Variants in GATAD2A observed in about 807,000 individuals in gnomAD.
GATAD2A encodes the protein GATA zinc finger domain containing 2A, also known as transcriptional repressor p66-alpha.
GATAD2A carries 12 observed loss-of-function variants against 68.5 expected under a neutral mutation model. The observed-to-expected ratio is 0.18, with a 90% confidence interval of 0.11 to 0.28. The LOEUF (loss-of-function observed/expected upper bound fraction) is 0.28. Ranked by LOEUF, GATAD2A falls within the 10% of genes least tolerant of loss-of-function variation. The pLI, the probability that GATAD2A is intolerant of heterozygous loss-of-function variation, is 1.00. For missense variants in GATAD2A, 755 were observed against 868.5 expected (o/e 0.87, Z 1.64); for synonymous variants, 410 against 375.3 (o/e 1.09, Z -1.07).
intron 1 of GATAD2A, among the ~76,000 whole-genome samples, chr19:19,421,553 G>A (rs920972242): frequency 1.3e-5 from 2 of 152,132 alleles, no homozygotes; most frequent in African/African-American, 4.8e-5. Context: ...AAGGACCAAC[G>A]GCTTAGAATT....
At chr19:19,420,400 C>T (rs1467831828) in intron 1 of GATAD2A, among the ~76,000 whole-genome samples, 7 of 144,444 alleles carry the variant, frequency 4.8e-5, no homozygotes, top group Middle Eastern at 3.8e-3. Context: ...GGCGCGATCT[C>T]GGCTCACTGG....
chr19:19,410,229 C>T (rs2050756920), intron 1 of GATAD2A, among the ~76,000 whole-genome samples: 2 of 152,166 alleles, frequency 1.3e-5, no homozygotes, highest in Admixed American at 6.5e-5. Flanking sequence ...CCTGCAATTT[C>T]CGAGGATGCT....
upstream of GATAD2A, among the ~76,000 whole-genome samples, chr19:19,401,489 A>G (rs948045998): frequency 3.3e-5 from 5 of 152,110 alleles, no homozygotes; most frequent in African/African-American, 9.7e-5. Flanking sequence ...CTGGGATTAC[A>G]GGTGCGAGCC....
At chr19:19,433,192 C>G (rs769698572) in intron 1 of GATAD2A, among the ~76,000 whole-genome samples, 1 of 152,204 alleles carries the variant, frequency 6.6e-6, no homozygotes, top group Non-Finnish European at 1.5e-5. Flanking sequence ...CACCACCCCC[C>G]TGCCCCAGGA....
At chr19:19,404,451 C>G (rs979121749), upstream of GATAD2A, among the ~76,000 whole-genome samples, 2 of 151,834 alleles carry the variant, frequency 1.3e-5, no homozygotes, top group African/African-American at 2.4e-5. Flanking sequence ...GAGGCCGATG[C>G]GAACAGATCA....
At chr19:19,459,356 CCCTATATACA>C (rs1043065463) in intron 1 of GATAD2A, among the ~76,000 whole-genome samples, 1 of 151,746 alleles carries the variant, frequency 6.6e-6, no homozygotes, top group African/African-American at 2.4e-5. Context: ...TCAGTTTTTT[CCCTATATACA>C]CCTTTTTTTT....
At position 19,429,934 on chromosome 19, in the gene GATAD2A, C is replaced by T. The variant is rs11878997; in HGVS notation, c.-7+23915C>T. Among the ~76,000 whole-genome samples the T allele has an allele frequency of 7.5e-3, 1,141 of 152,152 alleles. 16 individuals carry two copies. Among genetic ancestry groups the T allele is most frequent in the African/African-American group, 0.025 (1,052 of 41,532 alleles). On this transcript the variant is annotated intron_variant, in intron 1 of 11. Transcript: ENST00000683918. ...GGGAGAGCGGGGACTGCTCAGGGACCGACCTGAACACCTCCTCAATGTGCC... is the reference window on the plus strand; with the variant it reads ...GGGAGAGCGGGGACTGCTCAGGGACTGACCTGAACACCTCCTCAATGTGCC...
chr19:19,462,122 TGCTCTTTGCAGGAGTCATCTGTCGC>T (rs1854901526), intron 1 of GATAD2A, among the ~76,000 whole-genome samples: 1 of 152,244 alleles, frequency 6.6e-6, no homozygotes, highest in Non-Finnish European at 1.5e-5. Context: ...TACCCCCCAC[TGCTCTTTGCAGGAGTCATCTGTCGC>T]GCTTTCTTCT....
chr19:19,411,305 G>C (rs1253421469), intron 1 of GATAD2A, among the ~76,000 whole-genome samples: 1 of 152,230 alleles, frequency 6.6e-6, no homozygotes, highest in Non-Finnish European at 1.5e-5. Flanking sequence ...GAATGCCTGG[G>C]TTGGTTGTGC....
At chr19:19,485,488 A>G (rs978577548) in intron 2 of GATAD2A, among the ~76,000 whole-genome samples, 1 of 152,078 alleles carries the variant, frequency 6.6e-6, no homozygotes, top group Non-Finnish European at 1.5e-5. Flanking sequence ...GCCTGTCTCC[A>G]TCTCCCCCAC....
intron 1 of GATAD2A, among the ~76,000 whole-genome samples, chr19:19,398,836 G>T (rs2049473240): frequency 6.6e-6 from 1 of 151,958 alleles, no homozygotes; most frequent in South Asian, 2.1e-4. Context: ...CAAGGCGGGT[G>T]GATAACCAGG....
At chr19:19,402,761 GTT>G (rs1222249509), upstream of GATAD2A, among the ~76,000 whole-genome samples, 97 of 98,636 alleles carry the variant, frequency 9.8e-4, no homozygotes, top group Admixed American at 4.5e-3. Flanking sequence ...TTTTTTTTTT[GTT>G]TTTGTTTTTT....
At chr19:19,481,205 C>T (rs1237787885) in intron 2 of GATAD2A, among the ~76,000 whole-genome samples, 1 of 152,112 alleles carries the variant, frequency 6.6e-6, no homozygotes, top group African/African-American at 2.4e-5. Flanking sequence ...TTCTCCTCCT[C>T]TTTGTCCTTT....
intron 1 of GATAD2A, among the ~76,000 whole-genome samples, chr19:19,444,935 G>A (rs1189479527): frequency 6.6e-6 from 1 of 151,528 alleles, no homozygotes; most frequent in African/African-American, 2.4e-5. Context: ...GGCAGTGTAG[G>A]GCCTGTGATA....
intron 2 of GATAD2A, among the ~76,000 whole-genome samples, chr19:19,480,643 G>A (rs929285771): frequency 1.1e-4 from 17 of 152,182 alleles, no homozygotes; most frequent in Admixed American, 1.0e-3. Flanking sequence ...ACTGCCCCCC[G>A]AGGTGAGTGG....
intron 1 of GATAD2A, among the ~76,000 whole-genome samples, chr19:19,437,243 G>A (rs372804421): frequency 3.9e-5 from 6 of 152,016 alleles, no homozygotes; most frequent in African/African-American, 1.2e-4. Context: ...GATCCTCCCC[G>A]CCTCAGGCTC....
chr19:19,497,032 C>CT (rs2060200305), intron 7 of GATAD2A, among the ~76,000 whole-genome samples: 1 of 152,190 alleles, frequency 6.6e-6, no homozygotes, highest in Non-Finnish European at 1.5e-5. Context: ...CACCTGTTGA[C>CT]TTTTTTTCTT....
At chr19:19,419,358 C>T (rs2052051940) in intron 1 of GATAD2A, among the ~76,000 whole-genome samples, 2 of 152,150 alleles carry the variant, frequency 1.3e-5, no homozygotes, top group Admixed American at 1.3e-4. Context: ...ACTCAGAGGC[C>T]AGGTGGCTGT....
At chr19:19,481,462 C>T (rs1346547224) in intron 2 of GATAD2A, among the ~76,000 whole-genome samples, 3 of 152,162 alleles carry the variant, frequency 2.0e-5, no homozygotes, top group Non-Finnish European at 4.4e-5. Flanking sequence ...TCTTGAGTAG[C>T]TGGGACTACA....
Sources: gnomAD v4.1 joint callset for allele counts (sites outside exome capture counted in the v4.1 genomes callset) on GRCh38, gnomAD v4.1.1 for gene constraint, MANE v1.5 for transcripts, NCBI Gene and HGNC (gene_info 2026-07-23, HGNC 2026-07-21) for gene names.